Variants in SIRT5 observed in about 807,000 individuals in gnomAD.
The protein encoded by SIRT5 is sirtuin 5, also known as NAD-dependent protein deacylase sirtuin-5, mitochondrial.
A neutral mutation model predicts 40.0 loss-of-function variants in SIRT5; 26 were observed. That is an observed-to-expected ratio of 0.65 (90% confidence interval 0.48 to 0.90). The LOEUF is 0.90. SIRT5 is among the 40% of genes least tolerant of loss of function. The probability of loss-of-function intolerance (pLI) is 0.00; values close to 1 mark genes in which losing one functional copy is unlikely to be tolerated. For synonymous variants in SIRT5, 146 were observed against 149.1 expected, an observed-to-expected ratio of 0.98 and a Z score of 0.15; for missense variants, 401 against 402.4, an observed-to-expected ratio of 1.00 and a Z score of 0.03.
chr6:13,590,141 G>A (rs1386374536), intron 4 of SIRT5, among the ~76,000 whole-genome samples: 1 of 152,138 alleles, frequency 6.6e-6, no homozygotes, highest in African/African-American at 2.4e-5. Context: ...TATTGAGGCA[G>A]AATTTCCTTA....
intron 9 of SIRT5, among the ~76,000 whole-genome samples, chr6:13,608,756 A>T (rs1763445587): frequency 6.6e-6 from 1 of 152,224 alleles, no homozygotes; most frequent in Admixed American, 6.5e-5. Flanking sequence ...GCAGTGCATA[A>T]TTGTAAAAAC....
intron 3 of SIRT5, among the ~76,000 whole-genome samples, chr6:13,586,968 G>A (rs1175313657): frequency 6.6e-6 from 1 of 152,118 alleles, no homozygotes; most frequent in Non-Finnish European, 1.5e-5. Context: ...CCTGTCCCTG[G>A]TTCCATCTGT....
chr6:13,608,355 G>A (rs1329599395), intron 9 of SIRT5, among the ~76,000 whole-genome samples: 1 of 152,196 alleles, frequency 6.6e-6, no homozygotes, highest in East Asian at 1.9e-4. Flanking sequence ...GGAGGCTGAG[G>A]CTGGAGGATC....
chr6:13,576,998 C>A (rs12191273), intron 1 of SIRT5, among the ~76,000 whole-genome samples: 3 of 152,130 alleles, frequency 2.0e-5, no homozygotes, highest in African/African-American at 7.2e-5. Flanking sequence ...TATTCCTGTT[C>A]CATTGGTTGA....
At chr6:13,605,536 C>T in intron 9 of SIRT5, 1 of 985,452 alleles carries the variant, frequency 1.0e-6, no homozygotes, top group South Asian at 4.7e-5. Context: ...AGGCCTTACA[C>T]AAGTTGTTCA....
chr6:13,589,102 C>T (rs913873598), intron 4 of SIRT5: 1 of 152,562 alleles, frequency 6.6e-6, no homozygotes, highest in Non-Finnish European at 1.5e-5. Flanking sequence ...TCTCCCATCC[C>T]ACTGGCTCAG....
intron 3 of SIRT5, 125 bp downstream of exon 3, chr6:13,584,350 C>T (rs963589017): frequency 1.4e-5 from 10 of 708,832 alleles, no homozygotes; most frequent in South Asian, 5.2e-5. Flanking sequence ...GCCACTCTGT[C>T]ATCTTCTCTT....
At chr6:13,611,218 TATATATATATATATATATAC>T in intron 9 of SIRT5, among the ~76,000 whole-genome samples, 1 of 123,446 alleles carries the variant, frequency 8.1e-6, no homozygotes, top group African/African-American at 3.1e-5. Context: ...TATATATATA[TATATATATATATATATATAC>T]ACACACACAT....
At chr6:13,604,464 G>T (rs756012595) in intron 9 of SIRT5, 11 of 1,499,386 alleles carry the variant, frequency 7.3e-6, no homozygotes, top group Non-Finnish European at 1.0e-5. Context: ...TTCTAATGTG[G>T]TTTCTTTTCA....
chr6:13,575,612 T>C (rs1401690605), intron 1 of SIRT5, among the ~76,000 whole-genome samples: 4 of 152,118 alleles, frequency 2.6e-5, no homozygotes, highest in African/African-American at 9.7e-5. Context: ...TATGTATACA[T>C]TGTAGAAAGA....
chr6:13,611,010 A>G (rs1367397866), intron 9 of SIRT5, among the ~76,000 whole-genome samples: 3 of 151,640 alleles, frequency 2.0e-5, no homozygotes, highest in Non-Finnish European at 2.9e-5. Flanking sequence ...AAAGTCCATG[A>G]TTTTTCTTCT....
At chr6:13,602,994 C>T (rs939562216) in intron 9 of SIRT5, among the ~76,000 whole-genome samples, 4 of 152,076 alleles carry the variant, frequency 2.6e-5, no homozygotes, top group Non-Finnish European at 5.9e-5. Flanking sequence ...AGACAACCCA[C>T]AGGCCGGGTG....
intron 4 of SIRT5, 112 bp from the exon 5 acceptor site, chr6:13,591,557 C>T (rs1375053403): frequency 3.4e-6 from 3 of 875,314 alleles, no homozygotes; most frequent in African/African-American, 1.7e-5. Flanking sequence ...CTCCAGCCTG[C>T]ACCTTCCCGA....
rs76150741 is a variant in SIRT5 at position 13,615,126 on chromosome 6, C to T, written c.*3261C>T. The T allele has an allele frequency of 4.5e-3, 2,224 of 495,304 alleles. 35 individuals carry two copies. Among genetic ancestry groups the T allele is most frequent in the African/African-American group, 0.04 (1,989 of 49,372 alleles). The allele number at this position is 495,304 out of a possible 1,614,324, so 30.7% of individuals were successfully genotyped here. ...TTGAAATCAACCCCATTGCCAGCCG[C>T]TTTCGCCGGCAGAGCATTTTCCGTG... On this transcript the variant is annotated 3_prime_UTR_variant, in exon 10 of 10. Coordinates refer to ENST00000606117, the MANE Select transcript of SIRT5 (RefSeq NM_012241.5).
chr6:13,609,310 C>T (rs978338732), intron 9 of SIRT5, among the ~76,000 whole-genome samples: 4 of 152,024 alleles, frequency 2.6e-5, no homozygotes, highest in African/African-American at 4.8e-5. Context: ...TGAGGGAGAC[C>T]GGACCCCCGT....
At chr6:13,593,165 G>A (rs1761153881) in intron 5 of SIRT5, among the ~76,000 whole-genome samples, 1 of 152,056 alleles carries the variant, frequency 6.6e-6, no homozygotes, top group Non-Finnish European at 1.5e-5. Context: ...TCCCTCCTCA[G>A]CCTCCTAAAG....
chr6:13,582,828 G>A (rs867217683), intron 2 of SIRT5, among the ~76,000 whole-genome samples: 10 of 152,288 alleles, frequency 6.6e-5, no homozygotes, highest in Non-Finnish European at 8.8e-5. Context: ...GAGTTTCTGT[G>A]ACACGATGTT....
At chr6:13,602,053 A>T (rs1387949969) in intron 9 of SIRT5, among the ~76,000 whole-genome samples, 1 of 152,084 alleles carries the variant, frequency 6.6e-6, no homozygotes, top group African/African-American at 2.4e-5. Context: ...CAAAACTTAT[A>T]CTCTGAAAAC....
At chr6:13,611,326 AC>A (rs2127746235) in intron 9 of SIRT5, among the ~76,000 whole-genome samples, 1 of 150,480 alleles carries the variant, frequency 6.6e-6, no homozygotes, top group African/African-American at 2.4e-5. Context: ...TGCCAAACAT[AC>A]GTGTTATATA....
Sources: gnomAD v4.1 joint callset for allele counts (sites outside exome capture counted in the v4.1 genomes callset) on GRCh38, gnomAD v4.1.1 for gene constraint, MANE v1.5 for transcripts, NCBI Gene and HGNC (gene_info 2026-07-23, HGNC 2026-07-21) for gene names.